The following LRRC7 variants were observed in gnomAD, a reference collection of about 807,000 sequenced individuals.
LRRC7 encodes the protein leucine-rich repeat-containing protein 7.
A neutral mutation model predicts 175.7 loss-of-function variants in LRRC7; 23 were observed. That is an observed-to-expected ratio of 0.13 (90% CI 0.09 to 0.19). The LOEUF is 0.19. Among genes scored for constraint, LRRC7 ranks in the 10% least tolerant of loss-of-function variants. The probability of loss-of-function intolerance (pLI) is 1.00; values close to 1 mark genes in which losing one functional copy is unlikely to be tolerated. For synonymous variants in LRRC7, 685 were observed against 680.9 expected (o/e 1.01, Z -0.09); for missense variants, 1,354 against 1,904.7 (o/e 0.71, Z 5.38).
At chr1:69,716,137 T>A in intron 2 of LRRC7, 3 of 423,006 alleles carry the variant, frequency 7.1e-6, no homozygotes, top group Non-Finnish European at 4.3e-6. Flanking sequence ...TCTTTTTTTT[T>A]AAAGGAGCCC....
chr1:69,893,084 T>A (rs1645883317), intron 7 of LRRC7, among the ~76,000 whole-genome samples: 1 of 152,148 alleles, frequency 6.6e-6, no homozygotes, highest in Non-Finnish European at 1.5e-5. Context: ...CCAGGTACAT[T>A]TTGGGTTCTT....
intron 7 of LRRC7, among the ~76,000 whole-genome samples, chr1:69,871,538 A>T (rs1285129347): frequency 2.6e-5 from 4 of 152,056 alleles, no homozygotes; most frequent in African/African-American, 9.7e-5. Context: ...AATATAGTCG[A>T]GTATTTAAAA....
At chr1:69,712,520 G>T (rs985895823) in intron 2 of LRRC7, among the ~76,000 whole-genome samples, 2 of 152,090 alleles carry the variant, frequency 1.3e-5, no homozygotes, top group African/African-American at 4.8e-5. Context: ...AGGGAGAATT[G>T]CTTGAACCCA....
chr1:69,928,311 T>C (rs1442456097), intron 7 of LRRC7, among the ~76,000 whole-genome samples: 1 of 152,236 alleles, frequency 6.6e-6, no homozygotes, highest in Non-Finnish European at 1.5e-5. Flanking sequence ...AGCTGCGTGC[T>C]GGGAGAACCA....
intron 4 of LRRC7, among the ~76,000 whole-genome samples, chr1:69,798,141 C>T (rs1676023659): frequency 6.6e-6 from 1 of 152,144 alleles, no homozygotes; most frequent in South Asian, 2.1e-4. Flanking sequence ...AGGCTGGTCT[C>T]GAACTCCTGA....
chr1:69,614,691 T>C (rs1402576155), intron 1 of LRRC7, among the ~76,000 whole-genome samples: 3 of 152,132 alleles, frequency 2.0e-5, no homozygotes, highest in African/African-American at 7.2e-5. Flanking sequence ...GTGGCTCTCC[T>C]GTTAACTTCT....
rs533695627 is a variant in LRRC7 at position 69,657,290 on chromosome 1, C to A, written c.3-21091C>A. Among the ~76,000 whole-genome samples the A allele has an allele frequency of 1.4e-3, 217 of 151,884 alleles. 1 individual carries two copies. Among genetic ancestry groups the A allele is most frequent in the Admixed American group, 7.5e-3 (115 of 15,252 alleles). ...TAAAAGTATAGTGACTAGCTAGGAG[C>A]ATTATAATTATTTAAGACAACAATT... On this transcript the variant is annotated intron_variant, in intron 1 of 26. Transcript: ENST00000651989.
intron 3 of LRRC7, among the ~76,000 whole-genome samples, chr1:69,788,134 C>G (rs1180929623): frequency 1.3e-5 from 2 of 152,110 alleles, no homozygotes; most frequent in African/African-American, 4.8e-5. Context: ...AGCCAATCTC[C>G]CACTCTGTTC....
intron 7 of LRRC7, among the ~76,000 whole-genome samples, chr1:69,856,742 A>T (rs1054300872): frequency 2.0e-5 from 3 of 152,216 alleles, no homozygotes; most frequent in South Asian, 4.1e-4. Flanking sequence ...AAAAAGAGGG[A>T]ATCCTCCCTA....
chr1:69,653,900 C>G (rs1656225391), intron 1 of LRRC7, among the ~76,000 whole-genome samples: 2 of 151,920 alleles, frequency 1.3e-5, no homozygotes, highest in Admixed American at 1.3e-4. Flanking sequence ...TGTGAGGTAT[C>G]TAAATAGTCA....
intron 1 of LRRC7, chr1:69,607,109 G>A (rs190503304): frequency 2.0e-5 from 3 of 152,076 alleles, no homozygotes; most frequent in African/African-American, 7.2e-5. Context: ...GCGAATTTTT[G>A]TTGGTTTGGA....
Position 69,739,763 on chromosome 1 carries a change from G to A in LRRC7, c.101-20428G>A, listed in dbSNP as rs192773458. Reference sequence around the variant, plus strand: ...AGCTAGTTACTGAAGATACGAAGTCGTATTTTGCCAAAAACAAGTTTAATT... The same window carrying A: ...AGCTAGTTACTGAAGATACGAAGTCATATTTTGCCAAAAACAAGTTTAATT... On this transcript the variant is annotated intron_variant, in intron 2 of 26. Transcript: ENST00000651989. Among the ~76,000 whole-genome samples, 559 of 152,098 alleles carry A rather than the reference G, an allele frequency of 3.7e-3. 4 individuals carry two copies. The highest frequency in any genetic ancestry group is 3.4e-3 in the Non-Finnish European group (234 of 67,990).
rs117584550 is a variant in LRRC7, at chr1:69,701,918, G to A, written c.100+23440G>A. Among the ~76,000 whole-genome samples, 335 of 152,212 alleles carry A rather than the reference G, an allele frequency of 2.2e-3. 7 individuals are homozygous for A. The East Asian group carries it at 0.035, about 16-fold the overall frequency. On this transcript the variant is annotated intron_variant, in intron 2 of 26. Transcript: ENST00000651989. ...AGCTAAAGGAAAGATTCCATTTTAC[G>A]TATTTAAAATGCTTGAGCTGATGAT...
intron 7 of LRRC7, among the ~76,000 whole-genome samples, chr1:69,899,463 A>G (rs567066371): frequency 1.4e-4 from 22 of 152,344 alleles, no homozygotes; most frequent in African/African-American, 4.1e-4. Context: ...ACTAAAGCCT[A>G]CAATTTCCAA....
chr1:69,663,700 A>ATT (rs552339451), intron 1 of LRRC7, among the ~76,000 whole-genome samples: 3,579 of 67,870 alleles, frequency 0.053, 309 homozygotes, highest in East Asian at 0.076. Flanking sequence ...AATCGTTTTA[A>ATT]TTTTTTTTTT....
At chr1:70,059,473 A>ATGTGTG (rs1558034876) in intron 23 of LRRC7, among the ~76,000 whole-genome samples, 13 of 99,548 alleles carry the variant, frequency 1.3e-4, no homozygotes, top group African/African-American at 5.8e-4. Context: ...AACTAGAAGA[A>ATGTGTG]AGTGTGTGTG....
chr1:69,903,794 A>G (rs192664716), intron 7 of LRRC7, among the ~76,000 whole-genome samples: 7 of 152,326 alleles, frequency 4.6e-5, no homozygotes, highest in Admixed American at 3.9e-4. Context: ...AGAATCAAAT[A>G]GAAACAATAA....
chr1:70,107,650 T>G (rs1418321173), intron 25 of LRRC7, 102 bp from the exon 26 acceptor site: 2 of 816,810 alleles, frequency 2.4e-6, no homozygotes, highest in Non-Finnish European at 4.2e-6. Context: ...CATAAACTGT[T>G]TCTGGATCTG....
intron 7 of LRRC7, among the ~76,000 whole-genome samples, chr1:69,901,941 G>A (rs954625377): frequency 1.3e-5 from 2 of 151,848 alleles, no homozygotes; most frequent in Admixed American, 1.3e-4. Context: ...TGACTTCTGG[G>A]TATCATGATT....
Sources: allele counts gnomAD v4.1 joint callset (sites outside exome capture counted in the v4.1 genomes callset), GRCh38; gene constraint gnomAD v4.1.1; transcripts MANE v1.5; gene names NCBI Gene and HGNC (gene_info 2026-07-23, HGNC 2026-07-21).